Variants in SEL1L observed in about 807,000 individuals in gnomAD.
SEL1L encodes the protein SEL1L adaptor subunit of SYVN1 ubiquitin ligase, also known as protein sel-1 homolog 1.
SEL1L carries 52 observed loss-of-function variants against 109.8 expected under a neutral mutation model. The observed-to-expected ratio is 0.47, with a 90% CI of 0.38 to 0.60. SEL1L has a LOEUF of 0.60. Among genes scored for constraint, SEL1L ranks in the 20% least tolerant of loss-of-function variants. The probability of loss-of-function intolerance (pLI) is 0.00; values close to 1 mark genes in which losing one functional copy is unlikely to be tolerated. For synonymous variants in SEL1L, 373 were observed against 339.6 expected, an observed-to-expected ratio of 1.10 and a Z score of -1.08; for missense variants, 749 against 962.2, an observed-to-expected ratio of 0.78 and a Z score of 2.93.
At chr14:81,486,960 T>C (rs576853091) in intron 16 of SEL1L, among the ~76,000 whole-genome samples, 15 of 149,028 alleles carry the variant, frequency 1.0e-4, no homozygotes, top group African/African-American at 3.3e-4. Flanking sequence ...CAACTTCTTT[T>C]TCTTTCTTTC....
In SEL1L at chr14:81,504,309, A is replaced by G. The variant is rs1884141158; in HGVS notation, c.509-3T>C. On this transcript the variant is annotated splice_polypyrimidine_tract_variant and splice_region_variant and intron_variant, in intron 4 of 20. Coordinates refer to ENST00000336735, the MANE Select transcript of SEL1L (RefSeq NM_005065.6). Reference sequence around the variant, plus strand: ...TCTCTTAGCAGCCTCTTCTTCAGCTAAAAACAAAACGTCAGATGCATTTAA... The same window carrying G: ...TCTCTTAGCAGCCTCTTCTTCAGCTGAAAACAAAACGTCAGATGCATTTAA... The G allele has an allele frequency of 6.3e-7, 1 of 1,581,700 alleles. No homozygotes were observed. The highest frequency in any genetic ancestry group is 8.6e-7 in the Non-Finnish European group (1 of 1,163,976).
Position 81,479,601 on chromosome 14 carries a change from G to A in SEL1L, c.2175+11C>T, listed in dbSNP as rs201328963. On this transcript the variant is annotated intron_variant, in intron 20 of 20. Coordinates refer to ENST00000336735, the MANE Select transcript of SEL1L (RefSeq NM_005065.6). Reference sequence around the variant, plus strand: ...TTTATATTTTAATGAAAAGAGGTACGGACCACTTACGTTTGTTTCCCGTAT... The same window carrying A: ...TTTATATTTTAATGAAAAGAGGTACAGACCACTTACGTTTGTTTCCCGTAT... 5.1e-5 allele frequency: 82 copies of A among 1,599,884 alleles called. No individual in the cohort carries two copies. In the Admixed American group the frequency reaches 5.5e-4, roughly 11 times the overall value.
chr14:81,513,509 A>G (rs1332514396), intron 3 of SEL1L, among the ~76,000 whole-genome samples: 1 of 152,178 alleles, frequency 6.6e-6, no homozygotes, highest in Non-Finnish European at 1.5e-5. Flanking sequence ...CCGTGGCTTC[A>G]TTCTTGAAGT....
chr14:81,520,936 C>T (rs1019011175), intron 3 of SEL1L, among the ~76,000 whole-genome samples: 2 of 152,266 alleles, frequency 1.3e-5, no homozygotes, highest in South Asian at 4.2e-4. Context: ...GAGTGTTGAA[C>T]TCTGGGCTGG....
At chr14:81,491,521 AATAT>A (rs1157448923) in intron 12 of SEL1L, among the ~76,000 whole-genome samples, 1 of 152,236 alleles carries the variant, frequency 6.6e-6, no homozygotes, top group Non-Finnish European at 1.5e-5. Flanking sequence ...GAACAGCTGG[AATAT>A]TTAAATGTAG....
At chr14:81,531,409 A>C (rs1418011446) in intron 1 of SEL1L, among the ~76,000 whole-genome samples, 1 of 152,202 alleles carries the variant, frequency 6.6e-6, no homozygotes, top group Non-Finnish European at 1.5e-5. Context: ...GGTAACCACT[A>C]ATGTTCAAAC....
intron 19 of SEL1L, 146 bp downstream of exon 19, chr14:81,484,079 G>A: frequency 1.3e-6 from 1 of 789,316 alleles, no homozygotes; most frequent in Non-Finnish European, 2.1e-6. Flanking sequence ...TGGAAGGGCA[G>A]TCTTCTGAAA....
chr14:81,516,275 C>T (rs1363739648), intron 3 of SEL1L, among the ~76,000 whole-genome samples: 1 of 151,656 alleles, frequency 6.6e-6, no homozygotes, highest in African/African-American at 2.4e-5. Flanking sequence ...GACACTGTGG[C>T]CTTCTCAGTG....
intron 11 of SEL1L, 43 bp from the exon 12 acceptor site, chr14:81,492,591 A>C: frequency 7.5e-7 from 1 of 1,341,328 alleles, no homozygotes; most frequent in South Asian, 1.3e-5. Flanking sequence ...TTTTAACAGA[A>C]TCTGCTTTTG....
At chr14:81,492,869 A>G (rs1883601274) in intron 11 of SEL1L, among the ~76,000 whole-genome samples, 1 of 152,204 alleles carries the variant, frequency 6.6e-6, no homozygotes, top group Admixed American at 6.5e-5. Context: ...CTTAAAAGAC[A>G]TTTAAGAGCA....
chr14:81,533,606 G>C, intron 1 of SEL1L, 69 bp downstream of exon 1: 3 of 1,488,226 alleles, frequency 2.0e-6, no homozygotes, highest in Non-Finnish European at 2.8e-6. Context: ...GAGTCCCCAC[G>C]GCCCCGCCGG....
intron 5 of SEL1L, among the ~76,000 whole-genome samples, chr14:81,503,875 A>G (rs939506780): frequency 1.3e-5 from 2 of 152,208 alleles, no homozygotes; most frequent in African/African-American, 4.8e-5. Context: ...CAAAAAACGT[A>G]CTTGACAACA....
rs1168916556 is a variant in SEL1L at position 81,527,013 on chromosome 14, C to T, written c.109-49G>A. On this transcript the variant is annotated intron_variant, in intron 2 of 20. Coordinates refer to ENST00000336735, the MANE Select transcript of SEL1L (RefSeq NM_005065.6). ...TTATCAACAATGCCAAGACTTTCCC[C>T]AACCCTATTTGACCGTTATTTTTAC... 2.2e-6 allele frequency: 3 copies of T among 1,378,168 alleles called. No individual in the cohort carries two copies. The Admixed American group carries it at 5.3e-5, about 24-fold the overall frequency. The allele number at this position is 1,378,168 out of a possible 1,614,324, so 85.4% of individuals were successfully genotyped here.
chr14:81,505,546 G>T (rs1347791829), intron 4 of SEL1L, among the ~76,000 whole-genome samples: 2 of 149,122 alleles, frequency 1.3e-5, no homozygotes, highest in East Asian at 1.9e-4. Context: ...AAGGGATTAT[G>T]TTCAAGATTT....
chr14:81,519,107 A>G (rs2140048895), intron 3 of SEL1L, among the ~76,000 whole-genome samples: 1 of 152,292 alleles, frequency 6.6e-6, no homozygotes, highest in East Asian at 1.9e-4. Flanking sequence ...CTGCCAACTT[A>G]ACCAGCCCCC....
Position 81,479,389 on chromosome 14 carries a change from G to A in SEL1L, c.2175+223C>T, listed in dbSNP as rs117112756. The A allele has an allele frequency of 7.8e-3, 2,561 of 330,058 alleles. 22 individuals are homozygous for A. The highest frequency in any genetic ancestry group is 8.5e-3 in the Non-Finnish European group (1,555 of 183,086). The allele number at this position is 330,058 out of a possible 1,614,324, so 20.4% of individuals were successfully genotyped here. A position where few individuals can be genotyped will look rare whatever the true frequency, so the allele number is the denominator to read the frequency against. ...CTGCCTCCATGAAAAATGCTTTAGC[G>A]TCAGGAAGTGTCAAACGCTACCTAA... On this transcript the variant is annotated intron_variant, in intron 20 of 20. Transcript: ENST00000336735.
Position 81,506,218 on chromosome 14 carries a change from C to T in SEL1L, c.364G>A (p.Ala122Thr), listed in dbSNP as rs1884232940. Residue 122 changes from alanine (A) to threonine (T), a missense_variant, in exon 4 of 21, where the codon GCA (alanine) becomes ACA (threonine). By Grantham distance (58) the Ala-to-Thr change is moderately conservative (BLOSUM62 0). This residue lies in a region of SEL1L where 366 missense variants were observed against 399.8 expected (regional missense o/e 0.92). Coordinates refer to ENST00000336735, the MANE Select transcript of SEL1L (RefSeq NM_005065.6). ...GGGAAGTGGCAGGGCTCCCCATGTG[C>T]TGTGCCTTCAATGGCGGTCAAAGCT... ...KPALTAIEGT[A>T]HGEPCHFPFL... 5.6e-6 allele frequency: 9 copies of T among 1,606,730 alleles called. No homozygotes were observed. The highest frequency in any genetic ancestry group is 7.6e-6 in the Non-Finnish European group (9 of 1,177,244).
intron 6 of SEL1L, among the ~76,000 whole-genome samples, chr14:81,500,206 C>T (rs933852940): frequency 6.6e-5 from 10 of 151,604 alleles, no homozygotes; most frequent in African/African-American, 2.2e-4. Flanking sequence ...CCACTGTACC[C>T]GGCCACAATT....
At chr14:81,478,639 A>G (rs1258499379) in intron 20 of SEL1L, among the ~76,000 whole-genome samples, 1 of 152,240 alleles carries the variant, frequency 6.6e-6, no homozygotes, top group African/African-American at 2.4e-5. Context: ...TCATGCTACC[A>G]TGCAATTATA....
Sources: gnomAD v4.1 joint callset for allele counts (sites outside exome capture counted in the v4.1 genomes callset) on GRCh38, gnomAD v4.1.1 for gene constraint, gnomAD v4.1.1 regional missense constraint, MANE v1.5 for transcripts, NCBI Gene and HGNC (gene_info 2026-07-23, HGNC 2026-07-21) for gene names.